Variants in IGF1R observed in about 807,000 individuals in gnomAD.
IGF1R encodes the protein insulin-like growth factor 1 receptor.
IGF1R carries 44 observed loss-of-function variants against 144.6 expected under a neutral mutation model. The observed-to-expected ratio is 0.30, with a 90% CI of 0.24 to 0.39. The LOEUF (loss-of-function observed/expected upper bound fraction) is 0.39, where lower values mean the gene tolerates loss of function less well. Ranked by LOEUF, IGF1R falls within the 10% of genes least tolerant of loss-of-function variation. The probability of loss-of-function intolerance (pLI) is 1.00; values close to 1 mark genes in which losing one functional copy is unlikely to be tolerated. For synonymous variants in IGF1R, 795 were observed against 722.8 expected (o/e 1.10, Z -1.60); for missense variants, 1,355 against 1,833.7 (o/e 0.74, Z 4.77).
chr15:98,724,182 T>C (rs1231134504), intron 2 of IGF1R, among the ~76,000 whole-genome samples: 1 of 152,236 alleles, frequency 6.6e-6, no homozygotes, highest in African/African-American at 2.4e-5. Flanking sequence ...ACTTTTTCTA[T>C]TGTGTGCCAC....
rs1347122792 is a variant in IGF1R, at chr15:98,891,525, T to A, written c.841T>A (p.Phe281Ile). The A allele has an allele frequency of 1.2e-6, 2 of 1,613,252 alleles. No homozygotes were observed. The highest frequency in any genetic ancestry group is 1.7e-6 in the Non-Finnish European group (2 of 1,180,042). ...FEGWRCVDRD[F>I]CANILSAESS... ...GGGCTGGCGCTGTGTGGACCGTGAC[T>A]TCTGCGCCAACATCCTCAGCGCCGA... Residue 281 changes from phenylalanine to isoleucine, a missense_variant, in exon 3 of 21, where the codon TTC (phenylalanine) becomes ATC (isoleucine). Phe to Ile is a conservative substitution (Grantham distance 21). This residue lies in a region of IGF1R where 880 missense variants were observed against 1,202.7 expected (regional missense o/e 0.73). Transcript: ENST00000650285. This position sits in a 1 kb window ranked among gnomAD's most constrained non-coding sequence, Gnocchi z 4.7.
At chr15:98,676,820 A>G (rs1163441140) in intron 1 of IGF1R, among the ~76,000 whole-genome samples, 1 of 152,158 alleles carries the variant, frequency 6.6e-6, no homozygotes. Context: ...TAGAGGTTGT[A>G]TACTTTTCCT....
At chr15:98,670,011 G>A (rs2052848154) in intron 1 of IGF1R, among the ~76,000 whole-genome samples, 1 of 152,204 alleles carries the variant, frequency 6.6e-6, no homozygotes, top group Non-Finnish European at 1.5e-5. Flanking sequence ...GGGATGCTGA[G>A]CTGAGCTGGG....
At chr15:98,661,241 T>C (rs1213277898) in intron 1 of IGF1R, among the ~76,000 whole-genome samples, 8 of 152,154 alleles carry the variant, frequency 5.3e-5, no homozygotes, top group Non-Finnish European at 1.2e-4. Context: ...CTCTCTATCA[T>C]TGAAGCACCC....
chr15:98,888,111 C>T (rs74378810), intron 2 of IGF1R, among the ~76,000 whole-genome samples: 2 of 152,152 alleles, frequency 1.3e-5, no homozygotes, highest in African/African-American at 4.8e-5. Context: ...TCCACAAAAC[C>T]GTCCTCGGCA....
intron 2 of IGF1R, among the ~76,000 whole-genome samples, chr15:98,837,923 C>G (rs2011116080): frequency 6.6e-6 from 1 of 152,156 alleles, no homozygotes; most frequent in African/African-American, 2.4e-5. Context: ...GCCTTCTTCA[C>G]CTAGCATTGA....
intron 15 of IGF1R, among the ~76,000 whole-genome samples, chr15:98,931,007 T>C (rs1434695541): frequency 6.6e-6 from 1 of 152,218 alleles, no homozygotes; most frequent in Non-Finnish European, 1.5e-5. Flanking sequence ...ACTGGCACTT[T>C]GCTAGGGGCT....
chr15:98,694,843 G>A (rs537122016), intron 1 of IGF1R, among the ~76,000 whole-genome samples: 1 of 152,316 alleles, frequency 6.6e-6, no homozygotes, highest in African/African-American at 2.4e-5. Flanking sequence ...GTGGCTTGCT[G>A]GGGAAAGTTT....
chr15:98,662,121 A>G (rs2052615534), intron 1 of IGF1R, among the ~76,000 whole-genome samples: 1 of 151,786 alleles, frequency 6.6e-6, no homozygotes, highest in African/African-American at 2.4e-5. Flanking sequence ...CTGGGATTAC[A>G]GGCGTGTGCC....
chr15:98,902,429 T>C (rs562383959), intron 5 of IGF1R, among the ~76,000 whole-genome samples: 308 of 150,262 alleles, frequency 2.0e-3, no homozygotes, highest in African/African-American at 7.3e-3. Flanking sequence ...TTTTTTTTTT[T>C]TTTTTTGAGA....
At chr15:98,689,504 G>C (rs1015510498) in intron 1 of IGF1R, among the ~76,000 whole-genome samples, 2 of 151,810 alleles carry the variant, frequency 1.3e-5, no homozygotes, top group African/African-American at 4.9e-5. Context: ...TGGGATTACA[G>C]GCGTGAGTCA....
Position 98,964,132 on chromosome 15 carries a change from A to T in IGF1R, c.*6690A>T, listed in dbSNP as rs1229913701. 4 of 230,336 alleles carry T rather than the reference A, an allele frequency of 1.7e-5. No homozygotes were observed. The East Asian group carries it at 1.8e-4, about 11-fold the overall frequency. 14.3% of individuals were successfully genotyped at this position (230,336 alleles called of 1,614,324 possible). A position where few individuals can be genotyped will look rare whatever the true frequency, so the allele number is the denominator to read the frequency against. On this transcript the variant is annotated 3_prime_UTR_variant, in exon 21 of 21. Coordinates refer to ENST00000650285, the MANE Select transcript of IGF1R (RefSeq NM_000875.5). Reference sequence around the variant, plus strand: ...CTCTGGGTATCCCTTTGTCTGGGATAAAAAAAATCAAACCAGAAGGCGGGA... The same window carrying T: ...CTCTGGGTATCCCTTTGTCTGGGATTAAAAAAATCAAACCAGAAGGCGGGA...
chr15:98,869,274 C>T (rs1009433773), intron 2 of IGF1R, among the ~76,000 whole-genome samples: 7 of 147,994 alleles, frequency 4.7e-5, no homozygotes, highest in South Asian at 4.3e-4. Context: ...AAAGAGATTT[C>T]GAGACAGCTT....
At position 98,959,217 on chromosome 15, in the gene IGF1R, C is replaced by T. The variant is rs2017130505; in HGVS notation, c.*1775C>T. On this transcript the variant is annotated 3_prime_UTR_variant, in exon 21 of 21. Transcript: ENST00000650285. ...CACATATATATATATTTTTTTAATT[C>T]TTGGGTACAACAGCAGTGTTAACCG... is the stretch of plus-strand genomic sequence containing the variant. 1 of 233,386 alleles carries T rather than the reference C, an allele frequency of 4.3e-6. No homozygotes were observed. The allele number at this position is 233,386 out of a possible 1,614,324, so 14.5% of individuals were successfully genotyped here.
At chr15:98,934,736 T>G in intron 15 of IGF1R, 88 bp from the exon 16 acceptor site, 1 of 1,091,824 alleles carries the variant, frequency 9.2e-7, no homozygotes, top group Non-Finnish European at 1.4e-6. Flanking sequence ...AAGCAGCATC[T>G]TATATTCTTT....
chr15:98,743,276 G>A (rs1448152829), intron 2 of IGF1R, among the ~76,000 whole-genome samples: 1 of 152,108 alleles, frequency 6.6e-6, no homozygotes, highest in Non-Finnish European at 1.5e-5. Flanking sequence ...CATGACACAG[G>A]TATACTACCA....
rs186373120 is a variant in IGF1R at position 98,883,217 on chromosome 15, T to A, written c.641-8108T>A. On this transcript the variant is annotated intron_variant, in intron 2 of 20. Coordinates refer to ENST00000650285, the MANE Select transcript of IGF1R (RefSeq NM_000875.5). ...ACTTTCTTTTGCCGTGCGTAGCTGA[T>A]TCCACATAATGGCTGCAGCTCCAGG... Among the ~76,000 whole-genome samples the A allele has an allele frequency of 3.8e-3, 575 of 152,324 alleles. 5 individuals carry two copies. The highest frequency in any genetic ancestry group is 0.013 in the African/African-American group (536 of 41,580).
In IGF1R at chr15:98,710,527, C is replaced by T. The variant is rs559308485; in HGVS notation, c.640+2420C>T. 3.9e-4 allele frequency among the ~76,000 whole-genome samples: 60 copies of T among 152,116 alleles called. 3 individuals carry two copies. The South Asian group carries it at 0.012, about 31-fold the overall frequency. On this transcript the variant is annotated intron_variant, in intron 2 of 20. Coordinates refer to ENST00000650285, the MANE Select transcript of IGF1R (RefSeq NM_000875.5). Reference sequence around the variant, plus strand: ...AGGTGTAAAATATACACTAGATTTCCAAGACATAGTATAGCAAAAACTCTG... The same window carrying T: ...AGGTGTAAAATATACACTAGATTTCTAAGACATAGTATAGCAAAAACTCTG...
chr15:98,713,811 A>G (rs944095599), intron 2 of IGF1R, among the ~76,000 whole-genome samples: 8 of 152,198 alleles, frequency 5.3e-5, no homozygotes, highest in African/African-American at 1.9e-4. Context: ...CCTTACTGCA[A>G]CTAAGTCTCC....
Sources: allele counts gnomAD v4.1 joint callset (sites outside exome capture counted in the v4.1 genomes callset), GRCh38; gene constraint gnomAD v4.1.1; regional missense constraint gnomAD v4.1.1; non-coding constraint Gnocchi (gnomAD v3.1); transcripts MANE v1.5; gene names NCBI Gene and HGNC (gene_info 2026-07-23, HGNC 2026-07-21).